KIR2DL1: variants seen among roughly 807,000 people sequenced by gnomAD.
KIR2DL1 encodes killer cell immunoglobulin-like receptor 2DL1.
Under a neutral mutation model 33.9 loss-of-function variants are expected in KIR2DL1, and 38 were observed. The observed-to-expected ratio is 1.12, with a 90% CI of 0.86 to 1.47. The LOEUF is 1.47. Ranked by LOEUF, KIR2DL1 falls within the 40% of genes most tolerant of loss-of-function variation. The pLI, the probability that KIR2DL1 is intolerant of heterozygous loss-of-function variation, is 0.00. For missense variants in KIR2DL1, 531 were observed against 433.9 expected (o/e 1.22, Z -1.99); for synonymous variants, 179 against 165.9 (o/e 1.08, Z -0.61).
chr19:54,779,207 T>C (rs1164330286), intron 5 of KIR2DL1, among the ~76,000 whole-genome samples: 1 of 147,820 alleles, frequency 6.8e-6, no homozygotes. Flanking sequence ...TTCCTATTGT[T>C]GCCATAACAA....
chr19:54,777,987 T>A (rs1314457989), intron 4 of KIR2DL1, among the ~76,000 whole-genome samples: 4 of 147,996 alleles, frequency 2.7e-5, no homozygotes, highest in East Asian at 2.0e-4. Context: ...TGGGCTGGGC[T>A]TGGTGGCTAA....
intron 2 of KIR2DL1, among the ~76,000 whole-genome samples, chr19:54,772,661 A>C (rs1171755391): frequency 1.4e-5 from 2 of 144,710 alleles, no homozygotes; most frequent in African/African-American, 2.6e-5. Context: ...AGCCTAGACC[A>C]CACCACTTCA....
Position 54,770,745 on chromosome 19 carries a change from A to G in KIR2DL1, c.35-104A>G, listed in dbSNP as rs201302139. Reference sequence around the variant, plus strand: ...AGGCACTGAGGGTGAGTTTACCTTCAGCCCAGGAAGGGCCTGGCTACCAAG... The same window carrying G: ...AGGCACTGAGGGTGAGTTTACCTTCGGCCCAGGAAGGGCCTGGCTACCAAG... On this transcript the variant is annotated intron_variant, in intron 1 of 7. Transcript: ENST00000336077. The G allele has an allele frequency of 1.7e-3, 2,456 of 1,446,918 alleles. 108 individuals carry two copies. The African/African-American group carries it at 0.03, about 18-fold the overall frequency. 89.6% of individuals were successfully genotyped at this position (1,446,918 alleles called of 1,614,324 possible).
At chr19:54,779,379 C>T (rs2076713552) in intron 5 of KIR2DL1, among the ~76,000 whole-genome samples, 1 of 148,890 alleles carries the variant, frequency 6.7e-6, no homozygotes, top group Admixed American at 6.8e-5. Context: ...TCACTTGTCC[C>T]AGCTTCTAAA....
Position 54,769,823 on chromosome 19 carries a change from G to C in KIR2DL1, c.-28G>C, listed in dbSNP as rs185952251. The C allele has an allele frequency of 1.2e-5, 18 of 1,563,972 alleles. 1 individual carries two copies. Among genetic ancestry groups the C allele is most frequent in the African/African-American group, 1.4e-5 (1 of 72,190 alleles). ...GTGCGCTGCTGAGCTGAGCTCGGTC[G>C]CGGCTGCCTGTCTGCTCCGGCAGCA... On this transcript the variant is annotated 5_prime_UTR_variant, in exon 1 of 8. Transcript: ENST00000336077.
At position 54,776,678 on chromosome 19, in the gene KIR2DL1, A is replaced by T. The variant is rs547640804; in HGVS notation, c.664+1220A>T. 8.0e-4 allele frequency among the ~76,000 whole-genome samples: 100 copies of T among 124,354 alleles called. 6 individuals are homozygous for T. Among genetic ancestry groups the T allele is most frequent in the African/African-American group, 2.4e-3 (81 of 33,444 alleles). 81.6% of individuals were successfully genotyped at this position (124,354 alleles called of 152,430 possible). On this transcript the variant is annotated intron_variant, in intron 4 of 7. Coordinates refer to ENST00000336077, the MANE Select transcript of KIR2DL1 (RefSeq NM_014218.3). Reference sequence around the variant, plus strand: ...TTTTTGAGAAAGAGTTTCCCTCCTTAGCCCAAGCTGGAGTCAAAGTGGTGC... The same window carrying T: ...TTTTTGAGAAAGAGTTTCCCTCCTTTGCCCAAGCTGGAGTCAAAGTGGTGC...
intron 4 of KIR2DL1, among the ~76,000 whole-genome samples, 179 bp from the exon 5 acceptor site, chr19:54,778,433 A>G (rs1246619902): frequency 1.4e-5 from 2 of 146,692 alleles, no homozygotes; most frequent in African/African-American, 2.5e-5. Context: ...TTCTCTTTAT[A>G]TCTTGAAGTC....
intron 6 of KIR2DL1, 41 bp from the exon 7 acceptor site, chr19:54,783,445 A>G (rs2077274938): frequency 2.5e-6 from 4 of 1,602,336 alleles, no homozygotes; most frequent in East Asian, 4.5e-5. Context: ...AGGACCCAGA[A>G]GTGCCCTCCG....
rs796675071 is a variant in KIR2DL1 at position 54,774,320 on chromosome 19, A to C, written c.370+688A>C. 6.4e-5 allele frequency among the ~76,000 whole-genome samples: 9 copies of C among 140,428 alleles called. 1 individual carries two copies. The South Asian group carries it at 2.0e-3, about 32-fold the overall frequency. 92.1% of individuals were successfully genotyped at this position (140,428 alleles called of 152,430 possible). A position where few individuals can be genotyped will look rare whatever the true frequency, so the allele number is the denominator to read the frequency against. ...AGAGGAAGGAGATTGAGAGACTCAC[A>C]GACACATAAAGAGAGAGAAAAGAGG... On this transcript the variant is annotated intron_variant, in intron 3 of 7. Coordinates refer to ENST00000336077, the MANE Select transcript of KIR2DL1 (RefSeq NM_014218.3).
chr19:54,770,818 A>T, intron 1 of KIR2DL1, 31 bp from the exon 2 acceptor site: 2 of 1,583,112 alleles, frequency 1.3e-6, no homozygotes, highest in Non-Finnish European at 1.7e-6. Context: ...TTGCCTGCAG[A>T]TGGGTCATCC....
intron 1 of KIR2DL1, among the ~76,000 whole-genome samples, chr19:54,770,490 G>T (rs1456566321): frequency 6.9e-5 from 10 of 145,280 alleles, no homozygotes; most frequent in African/African-American, 2.5e-4. Flanking sequence ...CTGGAGAGGA[G>T]ATATGGACCT....
chr19:54,775,309 C>T lies in KIR2DL1; in HGVS notation c.515C>T (p.Pro172Leu). The T allele has an allele frequency of 6.3e-7, 1 of 1,585,080 alleles. No individual in the cohort carries two copies. Among genetic ancestry groups the T allele is most frequent in the Non-Finnish European group, 8.7e-7 (1 of 1,155,936 alleles). The change falls in exon 4 of 8, where the codon CCT becomes CTT. Residue 172 changes from proline to leucine, a missense_variant. By Grantham distance (98) the Pro-to-Leu change is moderately conservative. Transcript: ENST00000336077. ...GGGGAGGCCCATGAACGTAGGCTCC[C>T]TGCAGGGCCCAAGGTCAACGGAACA... ...REGEAHERRL[P>L]AGPKVNGTFQ...
chr19:54,777,000 C>T (rs1218260677), intron 4 of KIR2DL1, among the ~76,000 whole-genome samples: 3 of 151,392 alleles, frequency 2.0e-5, no homozygotes, highest in Non-Finnish European at 3.0e-5. Context: ...TACTAATTTA[C>T]ACTCCTCCCA....
At chr19:54,770,228 G>A (rs1374074718) in intron 1 of KIR2DL1, among the ~76,000 whole-genome samples, 1 of 134,396 alleles carries the variant, frequency 7.4e-6, no homozygotes, top group Non-Finnish European at 1.6e-5. Context: ...GGAGTTATGG[G>A]CCTGCAGTAG....
rs561215129 is a variant in KIR2DL1, at chr19:54,777,007, C to A, written c.664+1549C>A. On this transcript the variant is annotated intron_variant, in intron 4 of 7. Coordinates refer to ENST00000336077, the MANE Select transcript of KIR2DL1 (RefSeq NM_014218.3). ...AATGGCTGTACTAATTTACACTCCT[C>A]CCAACAGGGTACCAGGGTTCTCCTT... Among the ~76,000 whole-genome samples the A allele has an allele frequency of 2.9e-3, 446 of 151,486 alleles. 8 individuals carry two copies. The highest frequency in any genetic ancestry group is 0.01 in the African/African-American group (415 of 41,276).
rs2076188980 is a variant in KIR2DL1 at position 54,775,281 on chromosome 19, G to T, written c.487G>T (p.Glu163Ter). The T allele has an allele frequency of 1.9e-6, 3 of 1,603,258 alleles. No homozygotes were observed. Among genetic ancestry groups the T allele is most frequent in the Non-Finnish European group, 2.6e-6 (3 of 1,172,182 alleles). Residue 163 changes from glutamate to a stop codon, truncating the protein, a stop_gained, in exon 4 of 8, where the codon GAA becomes TAA. Transcript: ENST00000336077. LOFTEE classifies it high-confidence loss of function. ...CTATGACATGTACCATCTATCCAGG[G>T]AAGGGGAGGCCCATGAACGTAGGCT... ...SSYDMYHLSR[E>*]GEAHERRLPA...
At chr19:54,783,061 C>T (rs2077219303) in intron 6 of KIR2DL1, 38 bp downstream of exon 6, 1 of 1,596,936 alleles carries the variant, frequency 6.3e-7, no homozygotes, top group East Asian at 2.2e-5. Context: ...AGCTCAGGGC[C>T]ATGTGGGGAA....
Position 54,784,085 on chromosome 19 carries a change from A to C in KIR2DL1, c.*272A>C. 2 of 578,106 alleles carry C rather than the reference A, an allele frequency of 3.5e-6. No individual in the cohort carries two copies. Among genetic ancestry groups the C allele is most frequent in the Non-Finnish European group, 6.1e-6 (2 of 326,530 alleles). 35.8% of individuals were successfully genotyped at this position (578,106 alleles called of 1,614,324 possible). A position where few individuals can be genotyped will look rare whatever the true frequency, so the allele number is the denominator to read the frequency against. On this transcript the variant is annotated 3_prime_UTR_variant, in exon 8 of 8. Transcript: ENST00000336077. ...GACCCCTGCCCACCTCTCCAACCTA[A>C]CTGGCTTACTTCCTAGTCTACTTGA...
rs771252520 is a variant in KIR2DL1 at position 54,773,542 on chromosome 19, C to T, written c.280C>T (p.Leu94=). The change falls in exon 3 of 8, where the codon CTG becomes TTG. Residue 94 remains leucine, a synonymous_variant. Transcript: ENST00000336077. ...CTCCATCAGTCGCATGACGCAAGAC[C>T]TGGCAGGGACCTACAGATGCTACGG... ...NFSISRMTQD[L]AGTYRCYGSV... is the part of the protein sequence containing the mutation. 6.3e-7 allele frequency: 1 copy of T among 1,583,340 alleles called. No homozygotes were observed. Among genetic ancestry groups the T allele is most frequent in the South Asian group, 1.1e-5 (1 of 90,228 alleles).
Sources: gnomAD v4.1 joint callset for allele counts (sites outside exome capture counted in the v4.1 genomes callset) on GRCh38, gnomAD v4.1.1 for gene constraint, MANE v1.5 for transcripts, NCBI Gene and HGNC (gene_info 2026-07-23, HGNC 2026-07-21) for gene names.